The following KHDRBS3 variants were observed in gnomAD, a reference collection of about 807,000 sequenced individuals.
KHDRBS3 encodes KH domain-containing, RNA-binding, signal transduction-associated protein 3.
Under a neutral mutation model 45.6 loss-of-function variants are expected in KHDRBS3, and 23 were observed. That is an observed-to-expected ratio of 0.50 (90% CI 0.36 to 0.72). The LOEUF is 0.72. Ranked by LOEUF, KHDRBS3 falls within the 30% of genes least tolerant of loss-of-function variation. The pLI is 0.00. For missense variants in KHDRBS3, 352 were observed against 424.8 expected, an observed-to-expected ratio of 0.83 and a Z score of 1.51; for synonymous variants, 162 against 156.5, an observed-to-expected ratio of 1.04 and a Z score of -0.26.
chr8:135,513,642 A>G (rs1248341231), intron 1 of KHDRBS3, among the ~76,000 whole-genome samples: 1 of 152,164 alleles, frequency 6.6e-6, no homozygotes, highest in Non-Finnish European at 1.5e-5. Context: ...AACAATCAGC[A>G]GTGTTCAAAA....
Position 135,533,677 on chromosome 8 carries a change from T to G in KHDRBS3, c.208-8977T>G, listed in dbSNP as rs145050252. 8.0e-4 allele frequency among the ~76,000 whole-genome samples: 122 copies of G among 152,352 alleles called. 2 individuals are homozygous for G. Among genetic ancestry groups the G allele is most frequent in the Non-Finnish European group, 1.1e-3 (78 of 68,030 alleles). ...TATTGCCTTCCTCCTTTCTCACAGT[T>G]TCTTAGCTGTTAAACTGATTTGAGA... On this transcript the variant is annotated intron_variant, in intron 2 of 8. Transcript: ENST00000355849.
intron 1 of KHDRBS3, among the ~76,000 whole-genome samples, chr8:135,474,909 G>T (rs972305309): frequency 1.3e-5 from 2 of 152,212 alleles, no homozygotes; most frequent in African/African-American, 4.8e-5. Context: ...GGCTTCAGGG[G>T]AGAGTCTGTG....
intron 7 of KHDRBS3, among the ~76,000 whole-genome samples, chr8:135,617,329 A>C (rs926127137): frequency 6.6e-6 from 1 of 150,792 alleles, no homozygotes; most frequent in Admixed American, 6.6e-5. Flanking sequence ...TCACGCTGGC[A>C]TACAGTGGCA....
At chr8:135,605,918 G>T (rs568327155) in intron 6 of KHDRBS3, among the ~76,000 whole-genome samples, 8 of 151,822 alleles carry the variant, frequency 5.3e-5, no homozygotes, top group Admixed American at 5.2e-4. Flanking sequence ...TCAGTTTTTT[G>T]TTGTTGTTGT....
At chr8:135,498,253 TTTAA>T (rs1466139642) in intron 1 of KHDRBS3, among the ~76,000 whole-genome samples, 1 of 152,110 alleles carries the variant, frequency 6.6e-6, no homozygotes, top group African/African-American at 2.4e-5. Context: ...GCTTTTTAGT[TTTAA>T]TTAAGGAATG....
At chr8:135,606,820 ATATTT>A in intron 6 of KHDRBS3, 130 bp from the exon 7 acceptor site, 1 of 561,562 alleles carries the variant, frequency 1.8e-6, no homozygotes, top group Non-Finnish European at 3.1e-6. Flanking sequence ...TTTCACTCCT[ATATTT>A]TTCTTTACAC....
At chr8:135,479,388 T>G (rs374611114) in intron 1 of KHDRBS3, among the ~76,000 whole-genome samples, 2 of 152,232 alleles carry the variant, frequency 1.3e-5, no homozygotes, top group African/African-American at 4.8e-5. Flanking sequence ...AAATTCTTAA[T>G]TCTTCACAAA....
chr8:135,606,499 G>A (rs1315239112), intron 6 of KHDRBS3, among the ~76,000 whole-genome samples: 2 of 152,132 alleles, frequency 1.3e-5, no homozygotes, highest in African/African-American at 4.8e-5. Context: ...TCTAGGAATG[G>A]CGTTTTGTCA....
intron 7 of KHDRBS3, among the ~76,000 whole-genome samples, chr8:135,620,333 T>C (rs1267177321): frequency 6.6e-6 from 1 of 152,050 alleles, no homozygotes; most frequent in Non-Finnish European, 1.5e-5. Context: ...ACTTTTGAGT[T>C]CAAAGCGATC....
At chr8:135,640,464 G>A (rs1831013835) in intron 7 of KHDRBS3, among the ~76,000 whole-genome samples, 1 of 152,152 alleles carries the variant, frequency 6.6e-6, no homozygotes, top group Non-Finnish European at 1.5e-5. Flanking sequence ...AGGGTAGAAG[G>A]CCTAAGTAGA....
chr8:135,549,002 G>T, intron 4 of KHDRBS3, 102 bp downstream of exon 4: 1 of 728,706 alleles, frequency 1.4e-6, no homozygotes. Context: ...CTCCTTTTCT[G>T]CTGTAAAGCT....
chr8:135,583,424 G>T (rs1586757156), intron 6 of KHDRBS3, among the ~76,000 whole-genome samples: 1 of 152,252 alleles, frequency 6.6e-6, no homozygotes, highest in African/African-American at 2.4e-5. Flanking sequence ...TTCCATAAAT[G>T]CTGAGTCTCC....
intron 6 of KHDRBS3, among the ~76,000 whole-genome samples, chr8:135,605,093 A>G (rs1358749987): frequency 2.0e-5 from 3 of 152,092 alleles, no homozygotes; most frequent in Non-Finnish European, 4.4e-5. Context: ...CAGTTTGACA[A>G]TAACCATGTC....
At chr8:135,587,127 C>G (rs969692664) in intron 6 of KHDRBS3, among the ~76,000 whole-genome samples, 1 of 152,136 alleles carries the variant, frequency 6.6e-6, no homozygotes, top group African/African-American at 2.4e-5. Context: ...CAGGTATTTC[C>G]TTGTAAAATG....
At chr8:135,589,182 G>A (rs1828624674) in intron 6 of KHDRBS3, among the ~76,000 whole-genome samples, 1 of 152,176 alleles carries the variant, frequency 6.6e-6, no homozygotes, top group Non-Finnish European at 1.5e-5. Flanking sequence ...GACAGAGGTT[G>A]CCATAGCCTC....
At chr8:135,636,715 G>A (rs1830828858) in intron 7 of KHDRBS3, among the ~76,000 whole-genome samples, 1 of 152,166 alleles carries the variant, frequency 6.6e-6, no homozygotes, top group African/African-American at 2.4e-5. Context: ...ACATTGTAAG[G>A]CCCTTGAGGG....
At chr8:135,459,009 C>T (rs764503081) in intron 1 of KHDRBS3, 21 of 455,114 alleles carry the variant, frequency 4.6e-5, no homozygotes, top group Non-Finnish European at 8.8e-5. Flanking sequence ...TGTCTTTTCT[C>T]TGGGAAATGG....
rs752629444 is a variant in KHDRBS3 at position 135,607,007 on chromosome 8, A to G, written c.860A>G (p.Tyr287Cys). ...TATGATGAACAGAGTTATGATTCCT[A>G]TGATAACAGCTATAGCACCCCAGCC... ...TAYDEQSYDSYDNSYSTPAQS... is the reference protein window; with the variant it reads ...TAYDEQSYDSCDNSYSTPAQS... The change falls in exon 7 of 9, where the codon TAT becomes TGT. Residue 287 changes from tyrosine to cysteine, a missense_variant. Transcript: ENST00000355849. 2.5e-6 allele frequency: 4 copies of G among 1,613,700 alleles called. No homozygotes were observed. The highest frequency in any genetic ancestry group is 1.1e-5 in the South Asian group (1 of 90,988).
intron 1 of KHDRBS3, among the ~76,000 whole-genome samples, chr8:135,464,623 G>A (rs566437526): frequency 6.6e-6 from 1 of 152,318 alleles, no homozygotes; most frequent in Non-Finnish European, 1.5e-5. Flanking sequence ...TGGAAGGGGG[G>A]AATATGTTTA....
Sources: allele counts gnomAD v4.1 joint callset (sites outside exome capture counted in the v4.1 genomes callset), GRCh38; gene constraint gnomAD v4.1.1; transcripts MANE v1.5; gene names NCBI Gene and HGNC (gene_info 2026-07-23, HGNC 2026-07-21).